Variants in NRCAM observed in about 807,000 individuals in gnomAD.
NRCAM encodes the protein neuronal cell adhesion molecule.
NRCAM carries 83 observed loss-of-function variants against 156.5 expected under a neutral mutation model. The ratio of observed to expected loss-of-function variants is 0.53; its 90% CI spans 0.44 to 0.64. The LOEUF (loss-of-function observed/expected upper bound fraction) is 0.64. Ranked by LOEUF, NRCAM falls within the 30% of genes least tolerant of loss-of-function variation. The probability of loss-of-function intolerance (pLI) is 0.00; values close to 1 mark genes in which losing one functional copy is unlikely to be tolerated. For synonymous variants in NRCAM, 538 were observed against 563.9 expected (o/e 0.95, Z 0.65); for missense variants, 1,417 against 1,597.3 (o/e 0.89, Z 1.92).
chr7:108,154,418 A>G (rs2043635783), intron 32 of NRCAM, among the ~76,000 whole-genome samples: 1 of 152,164 alleles, frequency 6.6e-6, no homozygotes, highest in Non-Finnish European at 1.5e-5. Context: ...CTCTCTTATT[A>G]TAATATTTGC....
chr7:108,380,333 C>A (rs962542712), intron 2 of NRCAM, among the ~76,000 whole-genome samples: 2 of 152,088 alleles, frequency 1.3e-5, no homozygotes, highest in Admixed American at 1.3e-4. Context: ...TCTCTCTGTG[C>A]AGCATGATAG....
intron 13 of NRCAM, among the ~76,000 whole-genome samples, chr7:108,200,740 AC>A (rs34219642): frequency 2.7e-4 from 1 of 3,642 alleles, no homozygotes; most frequent in Non-Finnish European, 6.0e-4. Context: ...AAAGAAATAC[AC>A]ACACACACAC....
At chr7:108,454,732 G>A (rs1413499468) in intron 1 of NRCAM, among the ~76,000 whole-genome samples, 1 of 152,156 alleles carries the variant, frequency 6.6e-6, no homozygotes, top group Non-Finnish European at 1.5e-5. Context: ...CACCCCAGGG[G>A]GAGCTCCTGG....
chr7:108,309,361 G>A (rs1293101506), intron 3 of NRCAM, among the ~76,000 whole-genome samples: 1 of 152,170 alleles, frequency 6.6e-6, no homozygotes, highest in African/African-American at 2.4e-5. Flanking sequence ...TTTACTTGGA[G>A]TTAGATCCCT....
intron 4 of NRCAM, among the ~76,000 whole-genome samples, chr7:108,239,133 C>T (rs2095356227): frequency 3.9e-5 from 6 of 152,048 alleles, no homozygotes. Context: ...TGAAATTTTG[C>T]TTTCCATTTG....
chr7:108,279,254 T>C (rs1485651005), intron 3 of NRCAM, among the ~76,000 whole-genome samples: 2 of 152,224 alleles, frequency 1.3e-5, no homozygotes, highest in African/African-American at 2.4e-5. Flanking sequence ...ATAATAGTTT[T>C]ATCAATTTTA....
intron 1 of NRCAM, among the ~76,000 whole-genome samples, chr7:108,419,511 C>T (rs1451030495): frequency 6.6e-6 from 1 of 151,090 alleles, no homozygotes; most frequent in African/African-American, 2.4e-5. Flanking sequence ...TCTGAGCTCA[C>T]TTTGCATTCA....
intron 18 of NRCAM, 150 bp from the exon 19 acceptor site, chr7:108,191,433 G>A: frequency 4.6e-6 from 3 of 652,810 alleles, no homozygotes; most frequent in Non-Finnish European, 7.6e-6. Context: ...TAAACATGCA[G>A]TAACAATTTA....
intron 3 of NRCAM, among the ~76,000 whole-genome samples, chr7:108,255,059 G>T (rs2096560377): frequency 6.6e-6 from 1 of 152,122 alleles, no homozygotes; most frequent in African/African-American, 2.4e-5. Context: ...TCATATAATG[G>T]AAAAGTATTC....
At chr7:108,303,008 T>C (rs1206405213) in intron 3 of NRCAM, among the ~76,000 whole-genome samples, 1 of 152,164 alleles carries the variant, frequency 6.6e-6, no homozygotes, top group Non-Finnish European at 1.5e-5. Flanking sequence ...GCAGCCCAGG[T>C]TGGAGTGCAG....
intron 30 of NRCAM, 35 bp from the exon 31 acceptor site, chr7:108,160,527 G>A: frequency 2.5e-6 from 4 of 1,597,914 alleles, no homozygotes; most frequent in Non-Finnish European, 3.4e-6. Context: ...GTGGCAATAG[G>A]TTAAGGGGAG....
At chr7:108,220,234 G>A (rs1485608572) in intron 11 of NRCAM, among the ~76,000 whole-genome samples, 2 of 152,122 alleles carry the variant, frequency 1.3e-5, no homozygotes, top group Non-Finnish European at 2.9e-5. Flanking sequence ...CCATGCTCAT[G>A]GAAGAGTAGA....
At chr7:108,302,577 A>G (rs996342840) in intron 3 of NRCAM, among the ~76,000 whole-genome samples, 3 of 152,206 alleles carry the variant, frequency 2.0e-5, no homozygotes, top group Non-Finnish European at 4.4e-5. Context: ...GTAAATTTAA[A>G]CAAAGTGACA....
intron 11 of NRCAM, among the ~76,000 whole-genome samples, chr7:108,215,848 G>A (rs1416546788): frequency 6.6e-6 from 1 of 151,832 alleles, no homozygotes; most frequent in African/African-American, 2.4e-5. Flanking sequence ...ACACTGATGG[G>A]TCTTGATTCG....
intron 3 of NRCAM, among the ~76,000 whole-genome samples, chr7:108,285,891 A>G (rs912537407): frequency 6.6e-6 from 1 of 152,226 alleles, no homozygotes; most frequent in Admixed American, 6.5e-5. Flanking sequence ...AGCTTCTACC[A>G]CAAAACTCTC....
chr7:108,449,792 A>C (rs1356560508), intron 1 of NRCAM, among the ~76,000 whole-genome samples: 1 of 152,194 alleles, frequency 6.6e-6, no homozygotes, highest in Non-Finnish European at 1.5e-5. Flanking sequence ...CTGAATACTC[A>C]TACTGAATTT....
chr7:108,438,132 A>G (rs1834382326), intron 1 of NRCAM, among the ~76,000 whole-genome samples: 2 of 151,998 alleles, frequency 1.3e-5, no homozygotes. Context: ...CTCTTCCACA[A>G]ACTTTTTCAA....
intron 8 of NRCAM, among the ~76,000 whole-genome samples, chr7:108,227,206 A>T (rs2093616180): frequency 6.6e-6 from 1 of 152,186 alleles, no homozygotes; most frequent in African/African-American, 2.4e-5. Flanking sequence ...GCACTGAAGG[A>T]TTAAGTGAGT....
chr7:108,395,135 G>C (rs1021883545), intron 2 of NRCAM, among the ~76,000 whole-genome samples: 1 of 152,156 alleles, frequency 6.6e-6, no homozygotes, highest in Admixed American at 6.5e-5. Context: ...AAAATGTGAA[G>C]AGTCATTAAT....
Sources: gnomAD v4.1 joint callset for allele counts (sites outside exome capture counted in the v4.1 genomes callset) on GRCh38, gnomAD v4.1.1 for gene constraint, MANE v1.5 for transcripts, NCBI Gene and HGNC (gene_info 2026-07-23, HGNC 2026-07-21) for gene names.